The following GPLD1 variants were observed in gnomAD, a reference collection of about 807,000 sequenced individuals.
GPLD1 encodes the protein glycosylphosphatidylinositol specific phospholipase D1.
GPLD1 carries 84 observed loss-of-function variants against 112.6 expected under a neutral mutation model. The observed-to-expected ratio is 0.75, with a 90% confidence interval of 0.63 to 0.89. The LOEUF (loss-of-function observed/expected upper bound fraction) is 0.89. Among genes scored for constraint, GPLD1 ranks in the 40% least tolerant of loss-of-function variants. The pLI, the probability that GPLD1 is intolerant of heterozygous loss-of-function variation, is 0.00. For missense variants in GPLD1, 1,044 were observed against 1,051.5 expected (o/e 0.99, Z 0.10); for synonymous variants, 386 against 403.8 (o/e 0.96, Z 0.53).
intron 2 of GPLD1, among the ~76,000 whole-genome samples, 195 bp from the exon 3 acceptor site, chr6:24,480,154 T>C (rs986650453): frequency 7.9e-5 from 12 of 152,128 alleles, no homozygotes; most frequent in African/African-American, 2.7e-4. Flanking sequence ...AACACAACAA[T>C]ATATAACTTC....
intron 5 of GPLD1, 128 bp downstream of exon 5, chr6:24,474,993 C>A: frequency 1.8e-6 from 1 of 567,976 alleles, no homozygotes; most frequent in Middle Eastern, 3.5e-4. Context: ...GGACTCTAAC[C>A]AAACACTGCT....
chr6:24,487,595 GTAGTT>G (rs1458080923), intron 1 of GPLD1, among the ~76,000 whole-genome samples: 1 of 152,158 alleles, frequency 6.6e-6, no homozygotes, highest in Non-Finnish European at 1.5e-5. Flanking sequence ...AGCTTACTCT[GTAGTT>G]TTGGCAATTT....
intron 13 of GPLD1, among the ~76,000 whole-genome samples, chr6:24,455,111 G>C (rs1763226452): frequency 6.6e-6 from 1 of 152,232 alleles, no homozygotes; most frequent in Non-Finnish European, 1.5e-5. Flanking sequence ...AAAGGAAAAA[G>C]TCAAGAGCAG....
At chr6:24,431,224 ATCC>A (rs1251756114) in intron 24 of GPLD1, among the ~76,000 whole-genome samples, 1 of 152,022 alleles carries the variant, frequency 6.6e-6, no homozygotes, top group Non-Finnish European at 1.5e-5. Flanking sequence ...ATTTTTCCTA[ATCC>A]TCTTCCTCCT....
At chr6:24,434,863 T>G (rs1042303239) in intron 22 of GPLD1, among the ~76,000 whole-genome samples, 20 of 139,732 alleles carry the variant, frequency 1.4e-4, no homozygotes, top group African/African-American at 4.6e-4. Context: ...AAAGACAGGG[T>G]CTCCCTATGT....
At chr6:24,446,225 A>G (rs1306326162) in intron 18 of GPLD1, among the ~76,000 whole-genome samples, 2 of 152,112 alleles carry the variant, frequency 1.3e-5, no homozygotes, top group African/African-American at 2.4e-5. Flanking sequence ...ATTTGGGTGG[A>G]TCCTGATCCA....
chr6:24,459,957 G>T (rs1468299885), intron 12 of GPLD1, among the ~76,000 whole-genome samples: 1 of 152,074 alleles, frequency 6.6e-6, no homozygotes, highest in South Asian at 2.1e-4. Flanking sequence ...GGAGTGCACT[G>T]GCATGATCAT....
intron 7 of GPLD1, among the ~76,000 whole-genome samples, chr6:24,470,746 G>A (rs62400470): frequency 0.16 from 25,068 of 151,988 alleles, 2,744 homozygotes; most frequent in Non-Finnish European, 0.24. Flanking sequence ...TTACAGGCAC[G>A]TGCCATCGTA....
chr6:24,485,081 T>C (rs1414898528), intron 2 of GPLD1, among the ~76,000 whole-genome samples: 3 of 152,202 alleles, frequency 2.0e-5, no homozygotes, highest in Non-Finnish European at 4.4e-5. Context: ...TACCAGGATA[T>C]GGAATATAGC....
In GPLD1 at chr6:24,427,920, C is replaced by G. The variant is rs963705779; in HGVS notation, c.*1112G>C. Among the ~76,000 whole-genome samples the G allele has an allele frequency of 1.6e-4, 24 of 150,808 alleles. No homozygotes were observed. The highest frequency in any genetic ancestry group is 3.0e-4 in the Non-Finnish European group (20 of 67,742). On this transcript the variant is annotated 3_prime_UTR_variant, in exon 25 of 25. Coordinates refer to ENST00000230036, the MANE Select transcript of GPLD1 (RefSeq NM_001503.4). ...CGACCAGGAACAGAAAACCAAATACCAAGTATAGCATGTTCTCACAAGTGG... is the reference window on the plus strand; with the variant it reads ...CGACCAGGAACAGAAAACCAAATACGAAGTATAGCATGTTCTCACAAGTGG...
chr6:24,474,361 G>A (rs1763938747), intron 5 of GPLD1, among the ~76,000 whole-genome samples: 1 of 152,072 alleles, frequency 6.6e-6, no homozygotes, highest in Non-Finnish European at 1.5e-5. Flanking sequence ...GCCTTCCAGA[G>A]GCTAAGTCAT....
chr6:24,435,343 C>T lies in GPLD1; in HGVS notation c.2358+1233G>A, dbSNP rs183450235. On this transcript the variant is annotated intron_variant, in intron 22 of 24. Coordinates refer to ENST00000230036, the MANE Select transcript of GPLD1 (RefSeq NM_001503.4). ...TAGCTTTTATGGGGATTAAATGATA[C>T]ATAGTTCTTAGCATATGCATACTAA... Among the ~76,000 whole-genome samples, 24 of 152,192 alleles carry T rather than the reference C, an allele frequency of 1.6e-4. No individual in the cohort carries two copies. The East Asian group carries it at 4.3e-3, about 27-fold the overall frequency.
chr6:24,451,233 C>CA (rs2127338177), intron 14 of GPLD1, among the ~76,000 whole-genome samples: 2 of 151,864 alleles, frequency 1.3e-5, no homozygotes, highest in South Asian at 4.2e-4. Context: ...TCTCTTCAGA[C>CA]TTTTTTTTTC....
At chr6:24,452,348 C>T (rs892164952) in intron 14 of GPLD1, among the ~76,000 whole-genome samples, 2 of 152,172 alleles carry the variant, frequency 1.3e-5, no homozygotes, top group Non-Finnish European at 2.9e-5. Context: ...TGTCAGAAGG[C>T]CCTGAAAAAT....
At chr6:24,490,813 A>G (rs1185379611), upstream of GPLD1, among the ~76,000 whole-genome samples, 2 of 151,964 alleles carry the variant, frequency 1.3e-5, no homozygotes, top group African/African-American at 4.8e-5. Flanking sequence ...TGTCGCCCCA[A>G]CAGTTTCCCC....
chr6:24,461,838 C>A (rs957162257), intron 11 of GPLD1, among the ~76,000 whole-genome samples: 4 of 152,110 alleles, frequency 2.6e-5, no homozygotes, highest in African/African-American at 9.7e-5. Context: ...GTTCCTGGCA[C>A]GTACTGATTA....
chr6:24,472,684 T>A (rs1263984624), intron 6 of GPLD1, 48 bp from the exon 7 acceptor site: 1 of 978,218 alleles, frequency 1.0e-6, no homozygotes, highest in Non-Finnish European at 1.7e-6. Flanking sequence ...GTGACAAACA[T>A]AGCATGCATC....
Position 24,446,845 on chromosome 6 carries a change from C to T in GPLD1, c.1813G>A (p.Ala605Thr). The T allele has an allele frequency of 1.2e-6, 2 of 1,613,480 alleles. No individual in the cohort carries two copies. Among genetic ancestry groups the T allele is most frequent in the Non-Finnish European group, 1.7e-6 (2 of 1,179,700 alleles). The change falls in exon 18 of 25, where the codon GCC becomes ACC. Residue 605 changes from alanine to threonine, a missense_variant. By Grantham distance (58) the Ala-to-Thr change is moderately conservative. Coordinates refer to ENST00000230036, the MANE Select transcript of GPLD1 (RefSeq NM_001503.4). ...LLVGSPTWKN[A>T]SRLGHLLHIR... ...CCCCAGCATCAGCCTCACCTGCTGGCATTCTTCCAGGTCGGGCTCCCAACC... is the reference window on the plus strand; with the variant it reads ...CCCCAGCATCAGCCTCACCTGCTGGTATTCTTCCAGGTCGGGCTCCCAACC...
At chr6:24,490,197 C>CA (rs1387475126), upstream of GPLD1, among the ~76,000 whole-genome samples, 2 of 152,138 alleles carry the variant, frequency 1.3e-5, no homozygotes, top group African/African-American at 4.8e-5. Context: ...GCAAAGATGT[C>CA]AATTCCACTT....
Sources: gnomAD v4.1 joint callset for allele counts (sites outside exome capture counted in the v4.1 genomes callset) on GRCh38, gnomAD v4.1.1 for gene constraint, MANE v1.5 for transcripts, NCBI Gene and HGNC (gene_info 2026-07-23, HGNC 2026-07-21) for gene names.